IER3IP1: variants seen among roughly 807,000 people sequenced by gnomAD.
The protein encoded by IER3IP1 is immediate early response 3-interacting protein 1.
Under a neutral mutation model 12.2 loss-of-function variants are expected in IER3IP1, and 16 were observed. The observed-to-expected ratio is 1.31, with a 90% confidence interval of 0.89 to 1.99. The LOEUF is 1.99. IER3IP1 is among the 30% of genes most tolerant of loss of function. IER3IP1 has a pLI of 0.00. For missense variants in IER3IP1, 95 were observed against 95.8 expected (o/e 0.99, Z 0.03); for synonymous variants, 42 against 40.0 (o/e 1.05, Z -0.19).
At position 47,155,957 on chromosome 18, in the gene IER3IP1, GGA is replaced by G; in HGVS notation, c.*218_*219del. On this transcript the variant is annotated 3_prime_UTR_variant, in exon 3 of 3. Transcript: ENST00000256433. ...CTGAGCAATCAGATATTCCAGTCCT[GGA>G]GAGTTACTGCCTTTCATGATCTGAT... 2.0e-6 allele frequency: 1 copy of G among 512,202 alleles called. No homozygotes were observed. Among genetic ancestry groups the G allele is most frequent in the East Asian group, 3.3e-5 (1 of 30,048 alleles). 31.7% of individuals were successfully genotyped at this position (512,202 alleles called of 1,614,324 possible).
chr18:47,159,802 C>T (rs1478933026), intron 1 of IER3IP1, among the ~76,000 whole-genome samples: 4 of 152,016 alleles, frequency 2.6e-5, no homozygotes, highest in Admixed American at 1.3e-4. Context: ...CATGGCTCTC[C>T]TCAGACAAAA....
intron 1 of IER3IP1, 44 bp downstream of exon 1, chr18:47,176,143 G>A: frequency 2.6e-6 from 4 of 1,514,290 alleles, no homozygotes; most frequent in Non-Finnish European, 1.8e-6. Context: ...GCGCCCCCGG[G>A]GACTCCGCCG....
chr18:47,159,308 A>C (rs2668758), intron 1 of IER3IP1, among the ~76,000 whole-genome samples: 84,949 of 152,070 alleles, frequency 0.56, 23,880 homozygotes, highest in Middle Eastern at 0.62. Flanking sequence ...TATGCAATTG[A>C]CCAAAGAGCC....
intron 1 of IER3IP1, among the ~76,000 whole-genome samples, chr18:47,168,197 C>T (rs1338155756): frequency 5.1e-5 from 7 of 137,738 alleles, no homozygotes; most frequent in Non-Finnish European, 7.6e-5. Context: ...CCCAGCTATT[C>T]GGCAGGCTGA....
chr18:47,176,188 G>A lies in IER3IP1; in HGVS notation c.90C>T (p.Asn30=), dbSNP rs2064032870. ...AVLHEERFLK[N]IGWGTDQGIG... ...CCCGCGCCCCGCGGTCCCACTCACT[G>A]TTCTTGAGGAATCGCTCCTCGTGCA... The change falls in exon 1 of 3, where the codon AAC becomes AAT. Residue 30 remains asparagine (N), a splice_region_variant and synonymous_variant. Coordinates refer to ENST00000256433, the MANE Select transcript of IER3IP1 (RefSeq NM_016097.5). 13 of 1,593,382 alleles carry A rather than the reference G, an allele frequency of 8.2e-6. No homozygotes were observed. Among genetic ancestry groups the A allele is most frequent in the Non-Finnish European group, 1.1e-5 (13 of 1,170,118 alleles).
chr18:47,163,328 A>C (rs1453952379), intron 1 of IER3IP1, among the ~76,000 whole-genome samples: 1 of 152,224 alleles, frequency 6.6e-6, no homozygotes, highest in Non-Finnish European at 1.5e-5. Context: ...ACTAACAGCT[A>C]GCTGAGGCAG....
intron 2 of IER3IP1, 128 bp downstream of exon 2, chr18:47,157,308 G>C (rs1320729792): frequency 2.3e-5 from 16 of 709,592 alleles, no homozygotes; most frequent in Non-Finnish European, 3.6e-5. Context: ...CTTTCAAGCA[G>C]CAAAGCCATG....
chr18:47,164,801 A>C (rs1418340034), intron 1 of IER3IP1, among the ~76,000 whole-genome samples: 2 of 150,602 alleles, frequency 1.3e-5, no homozygotes, highest in Non-Finnish European at 3.0e-5. Flanking sequence ...CAAGAGAGAG[A>C]GAGAGAGATT....
intron 1 of IER3IP1, among the ~76,000 whole-genome samples, chr18:47,170,669 C>T (rs1426834703): frequency 1.3e-5 from 2 of 151,712 alleles, no homozygotes; most frequent in African/African-American, 2.4e-5. Flanking sequence ...AAATTATTTC[C>T]TTTATTTCAT....
chr18:47,171,034 G>A (rs1193836482), intron 1 of IER3IP1, among the ~76,000 whole-genome samples: 2 of 151,906 alleles, frequency 1.3e-5, no homozygotes, highest in Non-Finnish European at 2.9e-5. Flanking sequence ...CTCCTTATCA[G>A]ATTAAGAAAG....
In IER3IP1 at chr18:47,155,288, A is replaced by T. The variant is rs577928958; in HGVS notation, c.*889T>A. On this transcript the variant is annotated 3_prime_UTR_variant, in exon 3 of 3. Transcript: ENST00000256433. ...AACTCAATGAAGAATTAAGAATCAC[A>T]CTCCACAATGTGCTGCTCCACCAAG... The T allele has an allele frequency of 5.3e-5, 8 of 152,156 alleles. No individual in the cohort carries two copies. Among genetic ancestry groups the T allele is most frequent in the African/African-American group, 1.9e-4 (8 of 41,518 alleles). The allele number at this position is 152,156 out of a possible 1,614,324, so 9.4% of individuals were successfully genotyped here.
intron 1 of IER3IP1, among the ~76,000 whole-genome samples, chr18:47,162,436 G>T (rs1275964757): frequency 6.6e-6 from 1 of 152,142 alleles, no homozygotes; most frequent in Non-Finnish European, 1.5e-5. Flanking sequence ...AAGAGAAGAT[G>T]CAAGAAGTAG....
intron 1 of IER3IP1, among the ~76,000 whole-genome samples, chr18:47,162,321 G>T (rs1432787742): frequency 6.6e-6 from 1 of 152,096 alleles, no homozygotes; most frequent in Non-Finnish European, 1.5e-5. Flanking sequence ...CTACACACAT[G>T]GAACTTCCAA....
intron 1 of IER3IP1, among the ~76,000 whole-genome samples, chr18:47,160,588 G>A (rs150533307): frequency 5.9e-5 from 9 of 152,212 alleles, no homozygotes; most frequent in Non-Finnish European, 1.2e-4. Flanking sequence ...TAATAGTTCC[G>A]CCTAACATGA....
rs541552329 is a variant in IER3IP1 at position 47,153,475 on chromosome 18, T to C, written c.*2702A>G. 4.7e-5 allele frequency: 7 copies of C among 149,498 alleles called. No individual in the cohort carries two copies. Among genetic ancestry groups the C allele is most frequent in the African/African-American group, 1.5e-4 (6 of 40,736 alleles). The allele number at this position is 149,498 out of a possible 1,614,324, so 9.3% of individuals were successfully genotyped here. On this transcript the variant is annotated 3_prime_UTR_variant, in exon 3 of 3. Transcript: ENST00000256433. ...AATAGGTAAACTTGTGTCACGGGGG[T>C]TTGGCACAGATTATTTCGTTATCCA...
intron 1 of IER3IP1, among the ~76,000 whole-genome samples, chr18:47,173,286 G>A (rs972542275): frequency 2.0e-5 from 3 of 152,202 alleles, no homozygotes; most frequent in African/African-American, 7.2e-5. Context: ...AGAGGGCCAA[G>A]AGATCTTTGA....
intron 1 of IER3IP1, among the ~76,000 whole-genome samples, chr18:47,174,573 G>A (rs998997504): frequency 2.0e-5 from 3 of 151,934 alleles, no homozygotes; most frequent in Admixed American, 6.5e-5. Context: ...GGAAGCTGAG[G>A]CAGGAGAATC....
rs1485136907 is a variant in IER3IP1 at position 47,156,071 on chromosome 18, A to G, written c.*106T>C. 4.0e-6 allele frequency: 3 copies of G among 741,664 alleles called. No individual in the cohort carries two copies. Among genetic ancestry groups the G allele is most frequent in the Admixed American group, 2.4e-5 (1 of 40,892 alleles). 45.9% of individuals were successfully genotyped at this position (741,664 alleles called of 1,614,324 possible). On this transcript the variant is annotated 3_prime_UTR_variant, in exon 3 of 3. Coordinates refer to ENST00000256433, the MANE Select transcript of IER3IP1 (RefSeq NM_016097.5). ...TTTTATTTTCAGCTTTACATTTTTG[A>G]CAAGTGCAAGGTCAGCCAGCTAAGA...
rs1568073846 is a variant in IER3IP1, at chr18:47,169,236, T to C, written c.91+6951A>G. Reference sequence around the variant, plus strand: ...TAGCTTCTTTCACTTAATATAATGATTTCAAGGTTCATCCATATTGTAGTG... The same window carrying C: ...TAGCTTCTTTCACTTAATATAATGACTTCAAGGTTCATCCATATTGTAGTG... On this transcript the variant is annotated intron_variant, in intron 1 of 2. Transcript: ENST00000256433. Among the ~76,000 whole-genome samples, 7 of 152,220 alleles carry C rather than the reference T, an allele frequency of 4.6e-5. No homozygotes were observed. The South Asian group carries it at 1.4e-3, about 32-fold the overall frequency.
Sources: allele counts gnomAD v4.1 joint callset (sites outside exome capture counted in the v4.1 genomes callset), GRCh38; gene constraint gnomAD v4.1.1; transcripts MANE v1.5; gene names NCBI Gene and HGNC (gene_info 2026-07-23, HGNC 2026-07-21).